Variants in SEZ6L observed in about 807,000 individuals in gnomAD.
The protein encoded by SEZ6L is seizure related 6 homolog like.
A neutral mutation model predicts 106.2 loss-of-function variants in SEZ6L; 37 were observed. The ratio of observed to expected loss-of-function variants is 0.35; its 90% CI spans 0.27 to 0.46. The LOEUF is 0.46. SEZ6L is among the 20% of genes least tolerant of loss of function. The pLI is 1.00. For synonymous variants in SEZ6L, 541 were observed against 570.4 expected (o/e 0.95, Z 0.73); for missense variants, 1,172 against 1,332.8 (o/e 0.88, Z 1.88).
intron 1 of SEZ6L, among the ~76,000 whole-genome samples, chr22:26,244,873 G>T (rs547271063): frequency 6.6e-6 from 1 of 152,314 alleles, no homozygotes; most frequent in South Asian, 2.1e-4. Context: ...AGCTGAGTTG[G>T]AGAAGAGAGA....
intron 1 of SEZ6L, among the ~76,000 whole-genome samples, chr22:26,176,997 C>A (rs1255217102): frequency 2.0e-5 from 3 of 152,296 alleles, no homozygotes; most frequent in African/African-American, 4.8e-5. Context: ...TCTTAGAAAA[C>A]CTCAACTGAA....
intron 1 of SEZ6L, among the ~76,000 whole-genome samples, chr22:26,197,846 A>G (rs1392771377): frequency 6.6e-6 from 1 of 152,186 alleles, no homozygotes; most frequent in Non-Finnish European, 1.5e-5. Context: ...AGCTGCTACC[A>G]AAGAGAATGC....
intron 1 of SEZ6L, among the ~76,000 whole-genome samples, chr22:26,266,396 T>TA (rs1224925819): frequency 0.072 from 8,243 of 114,984 alleles, 750 homozygotes; most frequent in African/African-American, 0.22. Context: ...CCGTCTCTAC[T>TA]AAAAAAAAAA....
intron 1 of SEZ6L, among the ~76,000 whole-genome samples, chr22:26,289,631 C>T (rs931276040): frequency 2.6e-5 from 4 of 152,192 alleles, no homozygotes; most frequent in Non-Finnish European, 5.9e-5. Flanking sequence ...GCATCACTGG[C>T]GGCCTGGAAG....
At chr22:26,190,221 A>G (rs1306385248) in intron 1 of SEZ6L, among the ~76,000 whole-genome samples, 1 of 152,232 alleles carries the variant, frequency 6.6e-6, no homozygotes, top group South Asian at 2.1e-4. Flanking sequence ...GGTGGTTTCC[A>G]CATAGCTGAG....
intron 12 of SEZ6L, among the ~76,000 whole-genome samples, chr22:26,353,846 C>T (rs539952197): frequency 4.6e-5 from 7 of 151,894 alleles, no homozygotes; most frequent in Admixed American, 6.6e-5. Flanking sequence ...TTCTAACCCA[C>T]AGTATCTGTA....
chr22:26,377,615 A>G lies in SEZ6L; in HGVS notation c.2943-58A>G, dbSNP rs1278673762. 2.2e-6 allele frequency: 3 copies of G among 1,392,078 alleles called. No individual in the cohort carries two copies. The African/African-American group carries it at 4.3e-5, about 20-fold the overall frequency. 86.2% of individuals were successfully genotyped at this position (1,392,078 alleles called of 1,614,324 possible). On this transcript the variant is annotated intron_variant, in intron 15 of 16. Coordinates refer to ENST00000248933, the MANE Select transcript of SEZ6L (RefSeq NM_021115.5). ...GTGGCACCAACTGTTCCCGTTCAATATTGTAATGTTTCTCCTAGCTGGGGA... is the reference window on the plus strand; with the variant it reads ...GTGGCACCAACTGTTCCCGTTCAATGTTGTAATGTTTCTCCTAGCTGGGGA...
At chr22:26,238,630 T>G (rs529593689) in intron 1 of SEZ6L, among the ~76,000 whole-genome samples, 2 of 152,346 alleles carry the variant, frequency 1.3e-5, no homozygotes, top group East Asian at 3.9e-4. Context: ...TACCTGCTGT[T>G]TTTTGGGCAC....
At chr22:26,239,628 T>C (rs1314083234) in intron 1 of SEZ6L, among the ~76,000 whole-genome samples, 1 of 152,090 alleles carries the variant, frequency 6.6e-6, no homozygotes, top group Non-Finnish European at 1.5e-5. Context: ...GACCCCTGAC[T>C]CCAACCCCAA....
intron 9 of SEZ6L, among the ~76,000 whole-genome samples, chr22:26,326,589 C>T (rs141794959): frequency 2.6e-5 from 4 of 152,300 alleles, no homozygotes; most frequent in African/African-American, 4.8e-5. Context: ...GATCCTCCTC[C>T]GAGGGGTGAA....
At position 26,169,717 on chromosome 22, in the gene SEZ6L, G is replaced by C. The variant is rs548636401; in HGVS notation, c.48G>C (p.Leu16=). 6 of 1,301,668 alleles carry C rather than the reference G, an allele frequency of 4.6e-6. No individual in the cohort carries two copies. In the South Asian group the frequency reaches 1.4e-4, roughly 30 times the overall value. The allele number at this position is 1,301,668 out of a possible 1,614,324, so 80.6% of individuals were successfully genotyped here. Reference sequence around the variant, plus strand: ...CCGCGGGACTCCGCGGGATCTCGCTGTTCCTCGCTCTGCTCCTGGGGAGCC... The same window carrying C: ...CCGCGGGACTCCGCGGGATCTCGCTCTTCCTCGCTCTGCTCCTGGGGAGCC... The part of the protein sequence containing the change: ...PPAAGLRGIS[L]FLALLLGSPA... The change falls in exon 1 of 17, where the codon CTG becomes CTC. Residue 16 remains leucine (L), a synonymous_variant. Coordinates refer to ENST00000248933, the MANE Select transcript of SEZ6L (RefSeq NM_021115.5).
intron 9 of SEZ6L, among the ~76,000 whole-genome samples, chr22:26,324,340 G>A (rs1186183901): frequency 6.6e-6 from 1 of 152,152 alleles, no homozygotes; most frequent in African/African-American, 2.4e-5. Context: ...CCCCAGCACA[G>A]TTCTCTAACC....
At position 26,196,265 on chromosome 22, in the gene SEZ6L, T is replaced by A. The variant is rs1228151336; in HGVS notation, c.94+26502T>A. Among the ~76,000 whole-genome samples the A allele has an allele frequency of 2.6e-5, 4 of 152,258 alleles. No individual in the cohort carries two copies. The East Asian group carries it at 7.7e-4, about 29-fold the overall frequency. On this transcript the variant is annotated intron_variant, in intron 1 of 16. Coordinates refer to ENST00000248933, the MANE Select transcript of SEZ6L (RefSeq NM_021115.5). ...TGCTTCCCCTTCACCTTCCACCAGT[T>A]TTGTAAGTTTTCTGAGACCTCCCCA...
intron 1 of SEZ6L, among the ~76,000 whole-genome samples, chr22:26,283,302 G>A (rs1273748103): frequency 1.3e-5 from 2 of 152,148 alleles, no homozygotes; most frequent in East Asian, 1.9e-4. Context: ...AGTACTAATT[G>A]GAGGAAGGTA....
At position 26,313,900 on chromosome 22, in the gene SEZ6L, G is replaced by C. The variant is rs586542; in HGVS notation, c.2013G>C (p.Gln671His). 1 of 1,591,006 alleles carries C rather than the reference G, an allele frequency of 6.3e-7. No individual in the cohort carries two copies. Among genetic ancestry groups the C allele is most frequent in the African/African-American group, 1.3e-5 (1 of 74,538 alleles). ...AGAAACGGATCTTCTTAGATATCCA[G>C]TTGTGAGTGTTTAAAATGGGTGGCC... The part of the protein sequence containing the change: ...GEEKRIFLDI[Q>H]FLNLSNSDIL... The change falls in exon 9 of 17, where the codon CAG becomes CAC. Residue 671 changes from glutamine to histidine, a missense_variant and splice_region_variant. Transcript: ENST00000248933.
chr22:26,185,585 A>AT (rs1939715556), intron 1 of SEZ6L, among the ~76,000 whole-genome samples: 1 of 152,058 alleles, frequency 6.6e-6, no homozygotes, highest in South Asian at 2.1e-4. Flanking sequence ...TGCCTTCTGG[A>AT]TTTTTCTGAG....
intron 3 of SEZ6L, among the ~76,000 whole-genome samples, chr22:26,294,666 C>T (rs1014038438): frequency 3.3e-5 from 5 of 151,836 alleles, no homozygotes; most frequent in Admixed American, 1.3e-4. Context: ...GAAGGAAAAT[C>T]CCTTGATACT....
At chr22:26,247,092 C>A (rs1006520389) in intron 1 of SEZ6L, among the ~76,000 whole-genome samples, 2 of 152,280 alleles carry the variant, frequency 1.3e-5, no homozygotes, top group South Asian at 2.1e-4. Context: ...AAACCCCATA[C>A]CCTCATCTCA....
intron 9 of SEZ6L, among the ~76,000 whole-genome samples, chr22:26,337,885 GGA>G (rs2082694176): frequency 6.6e-6 from 1 of 152,194 alleles, no homozygotes; most frequent in Non-Finnish European, 1.5e-5. Context: ...GAGGTATGGT[GGA>G]AGGTATTGGG....
Sources: allele counts gnomAD v4.1 joint callset (sites outside exome capture counted in the v4.1 genomes callset), GRCh38; gene constraint gnomAD v4.1.1; transcripts MANE v1.5; gene names NCBI Gene and HGNC (gene_info 2026-07-23, HGNC 2026-07-21).